Variants in PCF11 observed in about 807,000 individuals in gnomAD.
PCF11 encodes PCF11 cleavage and polyadenylation factor subunit.
Under a neutral mutation model 166.1 loss-of-function variants are expected in PCF11, and 19 were observed. That is an observed-to-expected ratio of 0.11 (90% CI 0.08 to 0.17). The LOEUF (loss-of-function observed/expected upper bound fraction) is 0.17. Ranked by LOEUF, PCF11 falls within the 10% of genes least tolerant of loss-of-function variation. The pLI is 1.00. For synonymous variants in PCF11, 663 were observed against 644.1 expected (o/e 1.03, Z -0.44); for missense variants, 1,565 against 1,855.5 (o/e 0.84, Z 2.88).
intron 8 of PCF11, 126 bp from the exon 9 acceptor site, chr11:83,171,692 C>T (rs1860697439): frequency 6.0e-6 from 4 of 668,514 alleles, no homozygotes; most frequent in Non-Finnish European, 1.1e-5. Context: ...GCCAAGTTAT[C>T]TTTCTAAATC....
At chr11:83,160,131 T>C (rs917192141) in intron 1 of PCF11, among the ~76,000 whole-genome samples, 8 of 152,124 alleles carry the variant, frequency 5.3e-5, no homozygotes, top group African/African-American at 1.9e-4. Flanking sequence ...TAGCCAACTT[T>C]TGGTTGTAAA....
chr11:83,182,264 G>A (rs1181564895), intron 13 of PCF11, 135 bp from the exon 14 acceptor site: 4 of 619,282 alleles, frequency 6.5e-6, no homozygotes, highest in South Asian at 2.2e-5. Context: ...GAATCATACT[G>A]TATATTGGAC....
chr11:83,175,873 GCTTAT>G (rs1004571721), intron 9 of PCF11, among the ~76,000 whole-genome samples: 2 of 152,224 alleles, frequency 1.3e-5, no homozygotes, highest in African/African-American at 2.4e-5. Context: ...AGATTGTTAG[GCTTAT>G]CTTATTTATT....
chr11:83,177,771 A>T (rs1860936105), exon 11 of PCF11: 1 of 1,543,836 alleles, frequency 6.5e-7, no homozygotes, highest in Non-Finnish European at 8.8e-7. Flanking sequence ...CAAAATGAAG[A>T]TCAAGATGTT....
At chr11:83,157,622 A>T in exon 1 of PCF11, 1 of 1,613,888 alleles carries the variant, frequency 6.2e-7, no homozygotes, top group Non-Finnish European at 8.5e-7. Context: ...TCGAGGCCCA[A>T]ACCGCCAAGG....
chr11:83,170,562 C>A (rs1350231739), intron 8 of PCF11, among the ~76,000 whole-genome samples: 1 of 152,114 alleles, frequency 6.6e-6, no homozygotes, highest in Non-Finnish European at 1.5e-5. Flanking sequence ...TCCAAATACA[C>A]TCTGGTTACG....
rs558438111 is a variant in PCF11, at chr11:83,161,211, A to G, written c.193-116A>G. Reference sequence around the variant, plus strand: ...CTTAAGTTTCATAAAGATTACTTCAAAAATATTTAGTATCAACAAAAATAG... The same window carrying G: ...CTTAAGTTTCATAAAGATTACTTCAGAAATATTTAGTATCAACAAAAATAG... On this transcript the variant is annotated intron_variant, in intron 1 of 15. Coordinates refer to ENST00000298281, the Ensembl canonical transcript of PCF11. 7.6e-5 allele frequency: 58 copies of G among 760,176 alleles called. 1 individual carries two copies. The East Asian group carries it at 1.6e-3, about 21-fold the overall frequency. 47.1% of individuals were successfully genotyped at this position (760,176 alleles called of 1,614,324 possible). A position where few individuals can be genotyped will look rare whatever the true frequency, so the allele number is the denominator to read the frequency against.
At chr11:83,175,653 C>T (rs760090814) in intron 9 of PCF11, among the ~76,000 whole-genome samples, 1 of 152,182 alleles carries the variant, frequency 6.6e-6, no homozygotes, top group Non-Finnish European at 1.5e-5. Flanking sequence ...GCTCTGGAGG[C>T]TGAGGCAGGA....
chr11:83,170,700 A>G (rs931921020), intron 8 of PCF11, among the ~76,000 whole-genome samples: 2 of 152,200 alleles, frequency 1.3e-5, no homozygotes, highest in African/African-American at 2.4e-5. Context: ...TTGAATGACT[A>G]CTTTTGCTTG....
intron 2 of PCF11, 109 bp from the exon 3 acceptor site, chr11:83,163,570 G>A (rs556567190): frequency 2.4e-6 from 1 of 411,470 alleles, no homozygotes; most frequent in African/African-American, 2.1e-5. Context: ...CTTACCAATG[G>A]GTAGTACAGT....
chr11:83,167,040 A>G lies in PCF11; in HGVS notation c.1818-85A>G. 9.0e-7 allele frequency: 1 copy of G among 1,108,740 alleles called. No homozygotes were observed. The highest frequency in any genetic ancestry group is 1.6e-5 in the South Asian group (1 of 63,694). The allele number at this position is 1,108,740 out of a possible 1,614,324, so 68.7% of individuals were successfully genotyped here. A position where few individuals can be genotyped will look rare whatever the true frequency, so the allele number is the denominator to read the frequency against. On this transcript the variant is annotated intron_variant, in intron 5 of 15. Transcript: ENST00000298281. The surrounding 1 kb of genome is among the most constrained non-coding windows in gnomAD (Gnocchi z 4.2). The stretch of plus-strand genomic sequence containing the variant: ...GGTTACATATGCCCATTTTAACCAT[A>G]TCCTTTGAAAAGAATCTTTAAATAT...
chr11:83,177,141 T>C lies in PCF11; in HGVS notation c.3814T>C (p.Leu1272=), dbSNP rs1159733674. Reference sequence around the variant, plus strand: ...TCTCAGTCAGGTGGATGTAAATGAATTGTTTTCAAAATTGCTAAAAACAGG... The same window carrying C: ...TCTCAGTCAGGTGGATGTAAATGAACTGTTTTCAAAATTGCTAAAAACAGG... Residue 1272 remains leucine, a synonymous_variant, in exon 10 of 16, where the codon TTG becomes CTG. Transcript: ENST00000298281. 4.4e-6 allele frequency: 7 copies of C among 1,583,644 alleles called. No individual in the cohort carries two copies. The East Asian group carries it at 6.8e-5, about 15-fold the overall frequency.
intron 4 of PCF11, among the ~76,000 whole-genome samples, chr11:83,164,875 C>T (rs1860391416): frequency 6.6e-6 from 1 of 152,128 alleles, no homozygotes; most frequent in Admixed American, 6.5e-5. Flanking sequence ...GAAAACCCTC[C>T]AAAAACTACA....
chr11:83,184,464 A>G (rs932257676), intron 15 of PCF11: 1 of 493,794 alleles, frequency 2.0e-6, no homozygotes, highest in Non-Finnish European at 3.5e-6. Context: ...TTAGCTGTTA[A>G]CTGCTTAACT....
At chr11:83,165,517 C>T in intron 4 of PCF11, 83 bp from the exon 5 acceptor site, 1 of 935,834 alleles carries the variant, frequency 1.1e-6, no homozygotes, top group Non-Finnish European at 1.6e-6. Context: ...TTGAATAAAG[C>T]ATTATCTTCT....
chr11:83,185,783 A>G (rs2135454035), exon 16 of PCF11: 1 of 152,670 alleles, frequency 6.6e-6, no homozygotes. Context: ...AATAAATAGA[A>G]TGATGAAGAA....
At chr11:83,184,518 T>C in intron 15 of PCF11, 161 bp from the exon 16 acceptor site, 1 of 612,688 alleles carries the variant, frequency 1.6e-6, no homozygotes, top group Non-Finnish European at 2.9e-6. Context: ...ATTTTATTTC[T>C]GGTTGTCTTT....
At chr11:83,182,637 G>A (rs1565163708) in intron 14 of PCF11, 146 bp downstream of exon 14, 1 of 597,032 alleles carries the variant, frequency 1.7e-6, no homozygotes, top group Non-Finnish European at 3.0e-6. Flanking sequence ...GTAATAGAAT[G>A]TTTGAATTAG....
exon 16 of PCF11, chr11:83,184,925 T>G (rs1861226813): frequency 7.0e-7 from 1 of 1,434,566 alleles, no homozygotes. Flanking sequence ...TTTTCTTTTT[T>G]AAAAAAGCTG....
Sources: allele counts gnomAD v4.1 joint callset (sites outside exome capture counted in the v4.1 genomes callset), GRCh38; gene constraint gnomAD v4.1.1; non-coding constraint Gnocchi (gnomAD v3.1); transcripts MANE v1.5; gene names NCBI Gene and HGNC (gene_info 2026-07-23, HGNC 2026-07-21).